Variants in FTO observed in about 807,000 individuals in gnomAD.
The protein encoded by FTO is alpha-ketoglutarate-dependent dioxygenase FTO.
In FTO, 47 loss-of-function variants were observed where a neutral mutation model predicts 63.9. That is an observed-to-expected ratio of 0.74 (90% CI 0.58 to 0.94). The LOEUF (loss-of-function observed/expected upper bound fraction) is 0.94, where lower values mean the gene tolerates loss of function less well. Ranked by LOEUF, FTO falls within the 40% of genes least tolerant of loss-of-function variation. FTO has a pLI of 0.00. For missense variants in FTO, 562 were observed against 618.1 expected (o/e 0.91, Z 0.96); for synonymous variants, 207 against 224.4 (o/e 0.92, Z 0.69).
chr16:54,064,042 C>T (rs570401208), intron 8 of FTO: 3 of 151,520 alleles, frequency 2.0e-5, no homozygotes, highest in African/African-American at 7.3e-5. Context: ...CCTTTGTCAT[C>T]GGTGGAATTG....
rs184232580 is a variant in FTO, at chr16:53,787,681, A to G, written c.46-22459A>G. Reference sequence around the variant, plus strand: ...TTGAAATCTCATCTGTAAGTCTGGTATATCTAACTAATCATATAAACATCT... The same window carrying G: ...TTGAAATCTCATCTGTAAGTCTGGTGTATCTAACTAATCATATAAACATCT... On this transcript the variant is annotated intron_variant, in intron 1 of 8. Coordinates refer to ENST00000471389, the MANE Select transcript of FTO (RefSeq NM_001080432.3). Among the ~76,000 whole-genome samples, 26 of 152,326 alleles carry G rather than the reference A, an allele frequency of 1.7e-4. No homozygotes were observed. The East Asian group carries it at 4.1e-3, about 24-fold the overall frequency.
At chr16:53,855,035 A>AT (rs201955688) in intron 4 of FTO, among the ~76,000 whole-genome samples, 2,561 of 150,420 alleles carry the variant, frequency 0.017, 68 homozygotes, top group African/African-American at 0.053. Context: ...CTTTATTATT[A>AT]TTATTTTTTT....
chr16:53,904,001 AGTTT>A (rs2151930976), intron 7 of FTO, among the ~76,000 whole-genome samples: 1 of 151,862 alleles, frequency 6.6e-6, no homozygotes, highest in African/African-American at 2.4e-5. Context: ...CATATAGATT[AGTTT>A]ATTTACATAT....
intron 1 of FTO, among the ~76,000 whole-genome samples, chr16:53,708,256 C>T (rs2075675263): frequency 1.3e-5 from 2 of 152,056 alleles, no homozygotes; most frequent in African/African-American, 4.8e-5. Context: ...ATTCTAGCTA[C>T]TCGGGAGGCT....
intron 8 of FTO, among the ~76,000 whole-genome samples, chr16:54,012,081 C>T (rs577436156): frequency 9.8e-5 from 15 of 152,300 alleles, no homozygotes; most frequent in African/African-American, 2.9e-4. Flanking sequence ...AAAGCAAAGA[C>T]AGTCTGAAAA....
At chr16:54,029,929 C>G (rs1462252528) in intron 8 of FTO, among the ~76,000 whole-genome samples, 1 of 152,186 alleles carries the variant, frequency 6.6e-6, no homozygotes, top group Admixed American at 6.6e-5. Context: ...TTGTCAACTG[C>G]TGCCAAAAAT....
At chr16:54,057,958 T>C (rs2085476787) in intron 8 of FTO, among the ~76,000 whole-genome samples, 1 of 152,142 alleles carries the variant, frequency 6.6e-6, no homozygotes, top group Admixed American at 6.5e-5. Flanking sequence ...GACCCTGCTA[T>C]CATGGCCCTT....
At chr16:53,815,636 G>GTTTTTTTTTTTTTTTTTTTTT (rs556357629) in intron 2 of FTO, among the ~76,000 whole-genome samples, 2 of 98,184 alleles carry the variant, frequency 2.0e-5, no homozygotes, top group African/African-American at 1.1e-4. Context: ...TGACTTTCTT[G>GTTTTTTTTTTTTTTTTTTTTT]TTTTTTTTTT....
Position 54,112,949 on chromosome 16 carries a change from C to T in FTO, c.*1034C>T, listed in dbSNP as rs1308916598. The T allele has an allele frequency of 2.6e-5, 4 of 152,160 alleles. No homozygotes were observed. The highest frequency in any genetic ancestry group is 9.7e-5 in the African/African-American group (4 of 41,430). The allele number at this position is 152,160 out of a possible 1,614,324, so 9.4% of individuals were successfully genotyped here. ...AGACAAGAGAGAGTAGGGTTTAAAA[C>T]CTGAGCTTTAAGACTCCCACTAGCT... On this transcript the variant is annotated 3_prime_UTR_variant, in exon 9 of 9. Transcript: ENST00000471389.
chr16:53,768,469 G>T (rs1778831301), intron 1 of FTO, among the ~76,000 whole-genome samples: 1 of 152,174 alleles, frequency 6.6e-6, no homozygotes, highest in African/African-American at 2.4e-5. Flanking sequence ...GTGGGGTTGT[G>T]GCTTTTTTTG....
chr16:53,755,135 G>T (rs1434442273), intron 1 of FTO, among the ~76,000 whole-genome samples: 1 of 152,228 alleles, frequency 6.6e-6, no homozygotes, highest in African/African-American at 2.4e-5. Context: ...TGAAAGGGCT[G>T]TAATGAAAGG....
At chr16:53,933,785 A>G (rs1360502647) in intron 7 of FTO, among the ~76,000 whole-genome samples, 200 bp from the exon 8 acceptor site, 1 of 152,210 alleles carries the variant, frequency 6.6e-6, no homozygotes, top group African/African-American at 2.4e-5. Context: ...GGAGCTTTAG[A>G]GTTTACCTTA....
chr16:53,721,896 ATACT>A (rs1162070990), intron 1 of FTO, among the ~76,000 whole-genome samples: 1 of 152,150 alleles, frequency 6.6e-6, no homozygotes, highest in Non-Finnish European at 1.5e-5. Flanking sequence ...AAAAACAGAG[ATACT>A]TACCCTTTGC....
intron 1 of FTO, among the ~76,000 whole-genome samples, chr16:53,739,530 A>G (rs972327816): frequency 2.0e-5 from 3 of 152,134 alleles, no homozygotes; most frequent in African/African-American, 7.2e-5. Context: ...TACTTTTTAG[A>G]TGAAAACCCC....
At chr16:53,877,759 C>A (rs1192674384) in intron 5 of FTO, among the ~76,000 whole-genome samples, 3 of 151,784 alleles carry the variant, frequency 2.0e-5, no homozygotes, top group Non-Finnish European at 4.4e-5. Flanking sequence ...TCAAACTAGG[C>A]CTGATTATAG....
chr16:53,747,796 C>T (rs2076683347), intron 1 of FTO, among the ~76,000 whole-genome samples: 1 of 151,986 alleles, frequency 6.6e-6, no homozygotes, highest in South Asian at 2.1e-4. Context: ...TTTGTAGTTT[C>T]AGGTCTTATG....
intron 8 of FTO, among the ~76,000 whole-genome samples, chr16:53,988,801 T>C (rs892674188): frequency 1.3e-5 from 2 of 152,172 alleles, no homozygotes; most frequent in African/African-American, 4.8e-5. Context: ...TTGAACCCAT[T>C]ATGCCTCATC....
chr16:53,936,044 C>T (rs1250209208), intron 8 of FTO, among the ~76,000 whole-genome samples: 1 of 152,150 alleles, frequency 6.6e-6, no homozygotes, highest in African/African-American at 2.4e-5. Flanking sequence ...GGTTTGTTAA[C>T]AATAATTTTT....
intron 1 of FTO, among the ~76,000 whole-genome samples, chr16:53,788,251 C>G (rs1318929876): frequency 7.9e-6 from 1 of 127,288 alleles, no homozygotes; most frequent in Non-Finnish European, 1.7e-5. Flanking sequence ...TTTCTCTACT[C>G]TTAACATTTT....
Sources: gnomAD v4.1 joint callset for allele counts (sites outside exome capture counted in the v4.1 genomes callset) on GRCh38, gnomAD v4.1.1 for gene constraint, MANE v1.5 for transcripts, NCBI Gene and HGNC (gene_info 2026-07-23, HGNC 2026-07-21) for gene names.